The following PCSK2 variants were observed in gnomAD, a reference collection of about 807,000 sequenced individuals.
PCSK2 encodes the protein neuroendocrine convertase 2.
PCSK2 carries 14 observed loss-of-function variants against 69.7 expected under a neutral mutation model. That is an observed-to-expected ratio of 0.20 (90% CI 0.13 to 0.31). The LOEUF (loss-of-function observed/expected upper bound fraction) is 0.31, where lower values mean the gene tolerates loss of function less well. Ranked by LOEUF, PCSK2 falls within the 10% of genes least tolerant of loss-of-function variation. The pLI, the probability that PCSK2 is intolerant of heterozygous loss-of-function variation, is 1.00. For missense variants in PCSK2, 544 were observed against 842.5 expected (o/e 0.65, Z 4.39); for synonymous variants, 307 against 320.7 (o/e 0.96, Z 0.46).
intron 1 of PCSK2, among the ~76,000 whole-genome samples, chr20:17,252,356 A>C (rs1323837766): frequency 1.3e-5 from 2 of 152,196 alleles, no homozygotes; most frequent in Admixed American, 1.3e-4. Flanking sequence ...AATATTCCCC[A>C]AGTATCCCTC....
chr20:17,310,840 AT>A lies in PCSK2; in HGVS notation c.283-47482del, dbSNP rs1302782128. Among the ~76,000 whole-genome samples, 162 of 151,610 alleles carry A rather than the reference AT, an allele frequency of 1.1e-3. 3 individuals are homozygous for A. The East Asian group carries it at 0.023, about 21-fold the overall frequency. ...CCCCGTCTCTACTAAAAATACAAAA[AT>A]TTTTATTTTTGTATTACGGGCGTGG... On this transcript the variant is annotated intron_variant, in intron 2 of 11. Coordinates refer to ENST00000262545, the MANE Select transcript of PCSK2 (RefSeq NM_002594.5).
intron 1 of PCSK2, among the ~76,000 whole-genome samples, chr20:17,254,008 ACTT>A (rs1179601545): frequency 2.0e-5 from 3 of 152,182 alleles, no homozygotes; most frequent in Admixed American, 1.3e-4. Flanking sequence ...GGCCATTTTT[ACTT>A]CTTCTTTGAA....
At chr20:17,402,662 A>G (rs77876015) in intron 5 of PCSK2, among the ~76,000 whole-genome samples, 1 of 145,492 alleles carries the variant, frequency 6.9e-6, no homozygotes, top group South Asian at 2.2e-4. Flanking sequence ...CTCTGTCTCA[A>G]AAAAAAAAAA....
At chr20:17,470,594 T>A (rs1454424992) in intron 11 of PCSK2, among the ~76,000 whole-genome samples, 1 of 152,234 alleles carries the variant, frequency 6.6e-6, no homozygotes, top group Non-Finnish European at 1.5e-5. Context: ...AGGGTGCTAG[T>A]AAGAACTGCT....
intron 6 of PCSK2, among the ~76,000 whole-genome samples, chr20:17,417,913 T>A (rs1364469703): frequency 6.6e-6 from 1 of 151,840 alleles, no homozygotes; most frequent in Non-Finnish European, 1.5e-5. Context: ...TGTTTTTGAT[T>A]TTTTTCTAAT....
chr20:17,377,794 G>A (rs2030970306), intron 5 of PCSK2, among the ~76,000 whole-genome samples: 1 of 152,174 alleles, frequency 6.6e-6, no homozygotes, highest in African/African-American at 2.4e-5. Context: ...TGCAACTCAT[G>A]TACTAGAGGA....
At chr20:17,454,015 G>A (rs534442996) in intron 9 of PCSK2, 58 bp downstream of exon 9, 1 of 1,601,246 alleles carries the variant, frequency 6.2e-7, no homozygotes, top group Non-Finnish European at 8.5e-7. Context: ...CTGTGTCAGG[G>A]TGGGATGCTG....
intron 1 of PCSK2, among the ~76,000 whole-genome samples, chr20:17,257,299 T>C (rs1360007325): frequency 1.3e-5 from 2 of 152,140 alleles, no homozygotes; most frequent in African/African-American, 2.4e-5. Context: ...TGTGGAGAAA[T>C]AGGAATGCTT....
intron 5 of PCSK2, among the ~76,000 whole-genome samples, chr20:17,405,037 A>G (rs940463180): frequency 6.6e-6 from 1 of 152,214 alleles, no homozygotes; most frequent in Non-Finnish European, 1.5e-5. Flanking sequence ...AGAGGACACA[A>G]CAGGAGAAGT....
intron 1 of PCSK2, among the ~76,000 whole-genome samples, chr20:17,243,167 T>C (rs930427907): frequency 6.6e-6 from 1 of 152,220 alleles, no homozygotes; most frequent in African/African-American, 2.4e-5. Context: ...ATGTACTCTA[T>C]ATTTCATTTC....
At chr20:17,452,504 CT>C (rs2032846152) in intron 8 of PCSK2, among the ~76,000 whole-genome samples, 1 of 152,236 alleles carries the variant, frequency 6.6e-6, no homozygotes, top group African/African-American at 2.4e-5. Flanking sequence ...ATCTCTCTTC[CT>C]TCTGGCTTCT....
intron 6 of PCSK2, among the ~76,000 whole-genome samples, chr20:17,427,879 G>A (rs2032281074): frequency 1.3e-5 from 2 of 152,104 alleles, no homozygotes; most frequent in Admixed American, 1.3e-4. Flanking sequence ...GCCTAGACAG[G>A]GTGGCAAGAG....
intron 2 of PCSK2, among the ~76,000 whole-genome samples, chr20:17,303,492 TTTA>T (rs1443578895): frequency 0.021 from 1,193 of 57,664 alleles, 43 homozygotes; most frequent in African/African-American, 0.065. Context: ...ATATATTATA[TTTA>T]ATATAATATA....
intron 2 of PCSK2, among the ~76,000 whole-genome samples, chr20:17,322,840 A>G (rs954843151): frequency 1.6e-4 from 24 of 152,114 alleles, no homozygotes; most frequent in African/African-American, 5.8e-4. Context: ...CACTTTCCAA[A>G]AGGCCCCAGT....
chr20:17,228,558 C>A (rs548092704), intron 1 of PCSK2, among the ~76,000 whole-genome samples: 40 of 152,204 alleles, frequency 2.6e-4, no homozygotes, highest in African/African-American at 9.4e-4. Context: ...GGGTGGAGGT[C>A]CCTGAGATTT....
At chr20:17,249,233 G>A (rs938858517) in intron 1 of PCSK2, among the ~76,000 whole-genome samples, 4 of 152,112 alleles carry the variant, frequency 2.6e-5, no homozygotes, top group Non-Finnish European at 4.4e-5. Flanking sequence ...TAAGTCGGGC[G>A]CGGTGGCTCA....
Position 17,333,910 on chromosome 20 carries a change from CATATATAT to C in PCSK2, c.283-24398_283-24391del, listed in dbSNP as rs3076241. On this transcript the variant is annotated intron_variant, in intron 2 of 11. Transcript: ENST00000262545. ...TACATTTCTTCCTTCTAAGTCACTG[CATATATAT>C]ATATATATATATATATATGGCTTCA... Among the ~76,000 whole-genome samples the C allele has an allele frequency of 7.4e-4, 64 of 86,210 alleles. 1 individual carries two copies. Among genetic ancestry groups the C allele is most frequent in the Non-Finnish European group, 6.7e-4 (28 of 42,010 alleles). 56.6% of individuals were successfully genotyped at this position (86,210 alleles called of 152,430 possible). A position where few individuals can be genotyped will look rare whatever the true frequency, so the allele number is the denominator to read the frequency against.
At chr20:17,374,100 C>G (rs1190778318) in intron 5 of PCSK2, among the ~76,000 whole-genome samples, 1 of 152,194 alleles carries the variant, frequency 6.6e-6, no homozygotes, top group Non-Finnish European at 1.5e-5. Flanking sequence ...GCTATAATAA[C>G]TGGGTATTTT....
At chr20:17,360,336 C>CAA (rs11087204) in intron 3 of PCSK2, among the ~76,000 whole-genome samples, 196 bp from the exon 4 acceptor site, 12,347 of 145,096 alleles carry the variant, frequency 0.085, 601 homozygotes, top group African/African-American at 0.13. Flanking sequence ...GTGTTTATAC[C>CAA]AAAAAAAAAA....
Sources: gnomAD v4.1 joint callset for allele counts (sites outside exome capture counted in the v4.1 genomes callset) on GRCh38, gnomAD v4.1.1 for gene constraint, MANE v1.5 for transcripts, NCBI Gene and HGNC (gene_info 2026-07-23, HGNC 2026-07-21) for gene names.